Variants in NOL7 observed in about 807,000 individuals in gnomAD.
NOL7 encodes nucleolar protein 7.
Under a neutral mutation model 38.4 loss-of-function variants are expected in NOL7, and 36 were observed. The ratio of observed to expected loss-of-function variants is 0.94; its 90% CI spans 0.72 to 1.24. The LOEUF is 1.24. Among genes scored for constraint, NOL7 ranks in the 50% most tolerant of loss-of-function variants. The pLI is 0.00. For synonymous variants in NOL7, 142 were observed against 126.5 expected, an observed-to-expected ratio of 1.12 and a Z score of -0.82; for missense variants, 350 against 315.1, an observed-to-expected ratio of 1.11 and a Z score of -0.84.
chr6:13,629,921 C>CTCTCGTGTGT lies in NOL7; in HGVS notation n.574-2472_574-2471insTCTCGTGTGT, dbSNP rs1554221305. ...TCTCTCTCTCTCTCTCTCTCTCTCTCGTGTGTGTGTGTGTGTGTGTGTATT... is the reference window on the plus strand; with the variant it reads ...TCTCTCTCTCTCTCTCTCTCTCTCTCTCTCGTGTGTGTGTGTGTGTGTGTGTGTGTGTATT... On this transcript the variant is annotated intron_variant and non_coding_transcript_variant, in intron 8 of 8. Transcript: ENST00000474485. 7.8e-5 allele frequency among the ~76,000 whole-genome samples: 10 copies of CTCTCGTGTGT among 128,342 alleles called. No individual in the cohort carries two copies. In the South Asian group the frequency reaches 1.0e-3, roughly 13 times the overall value. The allele number at this position is 128,342 out of a possible 152,430, so 84.2% of individuals were successfully genotyped here.
intron 3 of NOL7, among the ~76,000 whole-genome samples, chr6:13,617,042 C>G (rs1455207152): frequency 6.6e-6 from 1 of 151,638 alleles, no homozygotes; most frequent in Non-Finnish European, 1.5e-5. Context: ...TTTCTATCCT[C>G]TTTTTCTCCC....
chr6:13,618,161 T>C (rs371738827), intron 5 of NOL7, 22 bp downstream of exon 5: 47 of 1,346,700 alleles, frequency 3.5e-5, no homozygotes, highest in Non-Finnish European at 4.9e-5. Flanking sequence ...TTTGTTTCAT[T>C]TGGGATGTAA....
intron 8 of NOL7, among the ~76,000 whole-genome samples, chr6:13,630,518 T>TA (rs61203161): frequency 0.53 from 78,042 of 146,926 alleles, 20,735 homozygotes; most frequent in Admixed American, 0.62. Context: ...TAAGAATTCT[T>TA]AAAAAAAAAA....
chr6:13,622,470 T>C (rs1190745824), downstream of NOL7: 4 of 1,585,688 alleles, frequency 2.5e-6, no homozygotes, highest in South Asian at 2.3e-5. Flanking sequence ...CAAGTGGAGG[T>C]TGCTTTGGCA....
downstream of NOL7, among the ~76,000 whole-genome samples, chr6:13,623,073 G>C (rs1209007039): frequency 6.6e-6 from 1 of 152,158 alleles, no homozygotes; most frequent in East Asian, 1.9e-4. Flanking sequence ...ACAGTGGACA[G>C]TTCAGACATT....
Position 13,617,794 on chromosome 6 carries a change from G to C in NOL7, c.411G>C (p.Val137=), listed in dbSNP as rs896065842. ...GCATCAAGAAATCGCCAGGAAAGGT[G>C]AAAGAAGGTATGACTATTCTAATTT... ...QTNIKKSPGK[V]KEVNLQKKNE... The change falls in exon 4 of 8, where the codon GTG becomes GTC. Residue 137 remains valine (V), a synonymous_variant. Transcript: ENST00000451315. 6.2e-7 allele frequency: 1 copy of C among 1,613,706 alleles called. No homozygotes were observed. Among genetic ancestry groups the C allele is most frequent in the Non-Finnish European group, 8.5e-7 (1 of 1,179,588 alleles).
At chr6:13,628,863 A>C (rs1002558995) in intron 8 of NOL7, among the ~76,000 whole-genome samples, 3 of 152,224 alleles carry the variant, frequency 2.0e-5, no homozygotes, top group Non-Finnish European at 2.9e-5. Flanking sequence ...ACATTCCTTC[A>C]TTACTGCTGG....
chr6:13,620,063 C>T, intron 5 of NOL7, 145 bp from the exon 6 acceptor site: 1 of 795,928 alleles, frequency 1.3e-6, no homozygotes, highest in Non-Finnish European at 1.9e-6. Flanking sequence ...CTGAGGCAGG[C>T]AAGTTGCTTG....
At position 13,615,400 on chromosome 6, in the gene NOL7, G is replaced by C. The variant is rs1249731329; in HGVS notation, c.42G>C (p.Ser14=). The C allele has an allele frequency of 6.5e-7, 1 of 1,535,882 alleles. No homozygotes were observed. The highest frequency in any genetic ancestry group is 1.2e-5 in the South Asian group (1 of 82,154). The part of the protein sequence containing the change: ...LRPRASRAPA[S]AEAMVDEGQL... ...CGCGAGCGTCTCGCGCCCCGGCGTC[G>C]GCGGAGGCGATGGTGGACGAGGGCC... The change falls in exon 1 of 8, where the codon TCG becomes TCC. Residue 14 remains serine, a synonymous_variant. Coordinates refer to ENST00000451315, the MANE Select transcript of NOL7 (RefSeq NM_016167.5).
intron 7 of NOL7, 82 bp downstream of exon 7, chr6:13,620,567 T>C: frequency 7.2e-7 from 1 of 1,382,100 alleles, no homozygotes; most frequent in Non-Finnish European, 1.0e-6. Context: ...TTCATAATTA[T>C]ACTTTTCCCC....
chr6:13,620,383 AATG>A (rs1411119597), intron 6 of NOL7, 22 bp from the exon 7 acceptor site: 1 of 1,613,932 alleles, frequency 6.2e-7, no homozygotes, highest in Admixed American at 1.7e-5. Context: ...AAAACTGTGA[AATG>A]ATAAATACCT....
intron 3 of NOL7, among the ~76,000 whole-genome samples, chr6:13,617,547 CTCTCAGA>C (rs1264091159): frequency 6.6e-6 from 1 of 152,190 alleles, no homozygotes; most frequent in African/African-American, 2.4e-5. Context: ...TGCTAATAGG[CTCTCAGA>C]TTTTAACTGT....
At chr6:13,625,769 T>A, downstream of NOL7, 1 of 1,560,742 alleles carries the variant, frequency 6.4e-7, no homozygotes, top group Non-Finnish European at 8.8e-7. Context: ...TGCATCCTGT[T>A]GAAAACACAT....
downstream of NOL7, among the ~76,000 whole-genome samples, chr6:13,626,649 G>C (rs774314491): frequency 5.9e-5 from 9 of 152,136 alleles, no homozygotes; most frequent in Non-Finnish European, 1.2e-4. Flanking sequence ...GAGAAATTCA[G>C]AACACTCTTA....
At chr6:13,628,469 TAAA>T (rs1364687047) in intron 8 of NOL7, among the ~76,000 whole-genome samples, 1 of 152,130 alleles carries the variant, frequency 6.6e-6, no homozygotes, top group Non-Finnish European at 1.5e-5. Context: ...AAAAACATAC[TAAA>T]AAGCTTCAAG....
chr6:13,615,602 C>A lies in NOL7; in HGVS notation c.244C>A (p.Arg82=), dbSNP rs1209346459. 9 of 1,589,156 alleles carry A rather than the reference C, an allele frequency of 5.7e-6. No homozygotes were observed. Among genetic ancestry groups the A allele is most frequent in the Non-Finnish European group, 7.7e-6 (9 of 1,166,556 alleles). The change falls in exon 1 of 8, where the codon CGA becomes AGA. Residue 82 remains arginine, a synonymous_variant. Coordinates refer to ENST00000451315, the MANE Select transcript of NOL7 (RefSeq NM_016167.5). ...AQAEAREEER[R]VRETVRRDKT... is the part of the protein sequence containing the mutation. ...GGCGGAAGCGAGAGAAGAGGAGCGG[C>A]GAGTGCGGGAGACCGTGCGCAGGTT...
At position 13,616,518 on chromosome 6, in the gene NOL7, CTAAG is replaced by C. The variant is rs774631670; in HGVS notation, c.386+5_386+8del. Reference sequence around the variant, plus strand: ...GAGAAGTTAACCACAGCTTCACAGACTAAGTAAGTAATGGATCTTTTTATATTAC... The same window carrying C: ...GAGAAGTTAACCACAGCTTCACAGACTAAGTAATGGATCTTTTTATATTAC... On this transcript the variant is annotated splice_donor_variant and coding_sequence_variant, in exon 3 of 8. Transcript: ENST00000451315. LOFTEE classifies it high-confidence loss of function. 72 of 1,601,378 alleles carry C rather than the reference CTAAG, an allele frequency of 4.5e-5. No homozygotes were observed. The highest frequency in any genetic ancestry group is 2.2e-4 in the South Asian group (20 of 89,354).
At position 13,620,272 on chromosome 6, in the gene NOL7, G is replaced by T; in HGVS notation, c.565G>T (p.Ala189Ser). The change falls in exon 6 of 8, where the codon GCA becomes TCA. Residue 189 changes from alanine (A) to serine (S), a missense_variant. By Grantham distance (99) the Ala-to-Ser change is moderately conservative. Transcript: ENST00000451315. ...DQDLRDSRQQ[A>S]AQAFIHNSLY... ...AGATCTGAGAGATTCAAGGCAACAA[G>T]CAGCACAAGCCTTCATACATAATTC... The T allele has an allele frequency of 6.2e-7, 1 of 1,614,186 alleles. No homozygotes were observed.
At chr6:13,619,194 T>G (rs536928514) in intron 5 of NOL7, among the ~76,000 whole-genome samples, 2 of 152,348 alleles carry the variant, frequency 1.3e-5, no homozygotes, top group Admixed American at 1.3e-4. Context: ...ATGGAAAGGT[T>G]GTTCACCACT....
Sources: gnomAD v4.1 joint callset for allele counts (sites outside exome capture counted in the v4.1 genomes callset) on GRCh38, gnomAD v4.1.1 for gene constraint, MANE v1.5 for transcripts, NCBI Gene and HGNC (gene_info 2026-07-23, HGNC 2026-07-21) for gene names.